Variants in GYS1 observed in about 807,000 individuals in gnomAD.
GYS1 encodes glycogen [starch] synthase, muscle.
Under a neutral mutation model 89.1 loss-of-function variants are expected in GYS1, and 60 were observed. The ratio of observed to expected loss-of-function variants is 0.67; its 90% CI spans 0.55 to 0.84. The LOEUF (loss-of-function observed/expected upper bound fraction) is 0.84. Ranked by LOEUF, GYS1 falls within the 40% of genes least tolerant of loss-of-function variation. The pLI, the probability that GYS1 is intolerant of heterozygous loss-of-function variation, is 0.00. For synonymous variants in GYS1, 366 were observed against 401.7 expected (o/e 0.91, Z 1.06); for missense variants, 888 against 1,003.1 (o/e 0.89, Z 1.55).
chr19:48,991,267 C>T lies in GYS1; in HGVS notation c.300+35G>A, dbSNP rs746887052. 6 of 1,606,546 alleles carry T rather than the reference C, an allele frequency of 3.7e-6. No homozygotes were observed. Among genetic ancestry groups the T allele is most frequent in the East Asian group, 4.5e-5 (2 of 44,872 alleles). Reference sequence around the variant, plus strand: ...GCTCCCACCCCGATGGCAGGCTGTCCACCCGCTTCTGCCCTGGGCTGGGCC... The same window carrying T: ...GCTCCCACCCCGATGGCAGGCTGTCTACCCGCTTCTGCCCTGGGCTGGGCC... On this transcript the variant is annotated intron_variant, in intron 2 of 15. Coordinates refer to ENST00000323798, the MANE Select transcript of GYS1 (RefSeq NM_002103.5). The surrounding 1 kb of genome is among the most constrained non-coding windows in gnomAD (Gnocchi z 4.7).
At position 48,991,389 on chromosome 19, in the gene GYS1, C is replaced by G. The variant is rs200998100; in HGVS notation, c.213G>C (p.Gln71His). 1.6e-4 allele frequency: 254 copies of G among 1,614,048 alleles called. No homozygotes were observed. The highest frequency in any genetic ancestry group is 2.0e-4 in the Non-Finnish European group (232 of 1,180,050). The change falls in exon 2 of 16, where the codon CAG becomes CAC. Residue 71 changes from glutamine (Q) to histidine (H), a missense_variant. Gln to His is a conservative substitution (Grantham distance 24, BLOSUM62 0). Coordinates refer to ENST00000323798, the MANE Select transcript of GYS1 (RefSeq NM_002103.5). This position sits in a 1 kb window ranked among gnomAD's most constrained non-coding sequence, Gnocchi z 4.7. ...NYFLVGPYTEQGVRTQVELLE... is the reference protein window; with the variant it reads ...NYFLVGPYTEHGVRTQVELLE... Reference sequence around the variant, plus strand: ...GCAGTTCCACCTGGGTCCTCACGCCCTGCTCCGTGTACGGCCCCACCAGGA... The same window carrying G: ...GCAGTTCCACCTGGGTCCTCACGCCGTGCTCCGTGTACGGCCCCACCAGGA...
At chr19:48,985,770 T>G (rs1161510173) in intron 4 of GYS1, 80 bp downstream of exon 4, 22 of 1,533,676 alleles carry the variant, frequency 1.4e-5, no homozygotes, top group Non-Finnish European at 2.0e-5. Context: ...GAAGAGGGGG[T>G]GCCATCCCCT....
chr19:48,969,884 G>C, intron 14 of GYS1, 29 bp from the exon 15 acceptor site: 2 of 1,544,156 alleles, frequency 1.3e-6, no homozygotes, highest in Non-Finnish European at 1.8e-6. Flanking sequence ...GGGGGCAGAG[G>C]ATGTGAGAGC....
At chr19:48,984,541 A>G (rs972998311) in intron 5 of GYS1, among the ~76,000 whole-genome samples, 2 of 150,558 alleles carry the variant, frequency 1.3e-5, no homozygotes, top group African/African-American at 2.4e-5. Context: ...GATTACAGGC[A>G]CCCACCACCA....
At chr19:48,985,095 C>T (rs779854992) in intron 5 of GYS1, among the ~76,000 whole-genome samples, 2 of 152,078 alleles carry the variant, frequency 1.3e-5, no homozygotes, top group Admixed American at 6.6e-5. Context: ...CTCCAGGCCA[C>T]CCAAATCATG....
rs146399827 is a variant in GYS1, at chr19:48,972,958, A to G, written c.1549+1255T>C. On this transcript the variant is annotated intron_variant, in intron 12 of 15. Coordinates refer to ENST00000323798, the MANE Select transcript of GYS1 (RefSeq NM_002103.5). ...GGTGAGCCTTGGCAACAGAGTAATA[A>G]CCCCATCTCAAAAAAGAAACAAATA... Among the ~76,000 whole-genome samples, 30 of 152,218 alleles carry G rather than the reference A, an allele frequency of 2.0e-4. 1 individual carries two copies. The East Asian group carries it at 5.4e-3, about 27-fold the overall frequency.
intron 14 of GYS1, chr19:48,970,216 C>A: frequency 2.3e-6 from 1 of 437,880 alleles, no homozygotes; most frequent in South Asian, 2.2e-5. Flanking sequence ...CCTCAACCTC[C>A]GGGGCTCAAG....
chr19:48,987,096 G>A (rs2038853249), intron 3 of GYS1, 98 bp downstream of exon 3: 1 of 852,950 alleles, frequency 1.2e-6, no homozygotes, highest in East Asian at 2.6e-5. Context: ...AGGACCCTAT[G>A]ACTCCCAGAA....
Position 48,985,773 on chromosome 19 carries a change from C to T in GYS1, c.678+77G>A, listed in dbSNP as rs1022573409. 166 of 1,559,028 alleles carry T rather than the reference C, an allele frequency of 1.1e-4. No homozygotes were observed. In the African/African-American group the frequency reaches 2.0e-3, roughly 19 times the overall value. The stretch of plus-strand genomic sequence containing the variant: ...TGGATCCTGGGAGAAGAGGGGGTGC[C>T]ATCCCCTTGGGCCCCCCAGAGCTTT... On this transcript the variant is annotated intron_variant, in intron 4 of 15. Transcript: ENST00000323798.
intron 10 of GYS1, among the ~76,000 whole-genome samples, chr19:48,975,693 C>T (rs568226489): frequency 5.3e-5 from 8 of 151,656 alleles, no homozygotes; most frequent in Non-Finnish European, 1.0e-4. Context: ...TCTGGGAGGC[C>T]GAGGCAGGAG....
intron 2 of GYS1, among the ~76,000 whole-genome samples, chr19:48,990,827 C>T (rs1331097993): frequency 6.6e-6 from 1 of 152,186 alleles, no homozygotes; most frequent in Non-Finnish European, 1.5e-5. Flanking sequence ...CAGAGTCTCG[C>T]TCCGTCGCCC....
At position 48,993,254 on chromosome 19, in the gene GYS1, C is replaced by T. The variant is rs2038971744; in HGVS notation, c.-142G>A. 6.7e-6 allele frequency: 5 copies of T among 748,940 alleles called. No homozygotes were observed. Among genetic ancestry groups the T allele is most frequent in the Non-Finnish European group, 1.2e-5 (5 of 410,068 alleles). The allele number at this position is 748,940 out of a possible 1,614,324, so 46.4% of individuals were successfully genotyped here. On this transcript the variant is annotated 5_prime_UTR_variant, in exon 1 of 16. Coordinates refer to ENST00000323798, the MANE Select transcript of GYS1 (RefSeq NM_002103.5). The stretch of plus-strand genomic sequence containing the variant: ...AGACGCTCGGCTTCCTATTGCAAGA[C>T]CGCACCCCTGCCCCGAAGCGTTGGG...
intron 5 of GYS1, among the ~76,000 whole-genome samples, chr19:48,984,641 G>T (rs561107602): frequency 6.6e-6 from 1 of 152,086 alleles, no homozygotes; most frequent in African/African-American, 2.4e-5. Context: ...TGATCTGCCC[G>T]CCTTGGCCTC....
chr19:48,970,218 G>A (rs1258675380), intron 14 of GYS1: 4 of 443,580 alleles, frequency 9.0e-6, no homozygotes, highest in Non-Finnish European at 1.6e-5. Context: ...TCAACCTCCG[G>A]GGCTCAAGCG....
intron 14 of GYS1, chr19:48,970,274 A>C (rs2038540661): frequency 1.4e-5 from 7 of 482,836 alleles, no homozygotes; most frequent in Non-Finnish European, 2.6e-5. Flanking sequence ...ACAGGCACGC[A>C]CCATCACGCT....
At chr19:48,980,594 G>A (rs1361445308) in intron 8 of GYS1, among the ~76,000 whole-genome samples, 1 of 151,910 alleles carries the variant, frequency 6.6e-6, no homozygotes, top group Admixed American at 6.6e-5. Context: ...GCTGGGAGGC[G>A]GAGGTTACAG....
chr19:48,990,012 G>GGGGGA (rs1555800170), intron 2 of GYS1, among the ~76,000 whole-genome samples: 2 of 150,568 alleles, frequency 1.3e-5, no homozygotes, highest in African/African-American at 4.9e-5. Flanking sequence ...GGGGGGGGGG[G>GGGGGA]GCTATTCTTA....
intron 8 of GYS1, among the ~76,000 whole-genome samples, chr19:48,979,271 A>G (rs1312284548): frequency 1.3e-5 from 2 of 151,128 alleles, no homozygotes; most frequent in African/African-American, 4.9e-5. Flanking sequence ...TCCTCCACTT[A>G]AAATCCTCCC....
At position 48,978,186 on chromosome 19, in the gene GYS1, T is replaced by A. The variant is rs1372199584; in HGVS notation, c.1170-29A>T. 2.5e-6 allele frequency: 4 copies of A among 1,574,982 alleles called. No individual in the cohort carries two copies. In the East Asian group the frequency reaches 8.9e-5, roughly 35 times the overall value. ...GAGGAAGCAGAGCAACAGGGTCACATACACACCAGCTGCCATTTACTGTTA... is the reference window on the plus strand; with the variant it reads ...GAGGAAGCAGAGCAACAGGGTCACAAACACACCAGCTGCCATTTACTGTTA... On this transcript the variant is annotated intron_variant, in intron 8 of 15. Coordinates refer to ENST00000323798, the MANE Select transcript of GYS1 (RefSeq NM_002103.5).
Sources: allele counts gnomAD v4.1 joint callset (sites outside exome capture counted in the v4.1 genomes callset), GRCh38; gene constraint gnomAD v4.1.1; non-coding constraint Gnocchi (gnomAD v3.1); transcripts MANE v1.5; gene names NCBI Gene and HGNC (gene_info 2026-07-23, HGNC 2026-07-21).